Variants in ZNF676 observed in about 807,000 individuals in gnomAD.
ZNF676 encodes the protein zinc finger protein 676.
In ZNF676, 4 loss-of-function variants were observed where a neutral mutation model predicts 6.0. The observed-to-expected ratio is 0.67, with a 90% confidence interval of 0.33 to 1.53. ZNF676 has a LOEUF of 1.53. ZNF676 is among the 40% of genes most tolerant of loss of function. ZNF676 has a pLI of 0.06. For synonymous variants in ZNF676, 198 were observed against 223.1 expected, an observed-to-expected ratio of 0.89 and a Z score of 1.00; for missense variants, 644 against 679.7, an observed-to-expected ratio of 0.95 and a Z score of 0.58.
the ZNF676 span, among the ~76,000 whole-genome samples, chr19:22,253,453 TATG>T: frequency 1.0e-5 from 1 of 98,876 alleles, no homozygotes; most frequent in Non-Finnish European, 2.3e-5. Context: ...TGTATATATA[TATG>T]ATAATGTGTG....
At chr19:22,212,043 C>CA (rs1190352947) in intron 1 of ZNF676, among the ~76,000 whole-genome samples, 1 of 150,974 alleles carries the variant, frequency 6.6e-6, no homozygotes, top group East Asian at 2.0e-4. Context: ...ATTAAAAATA[C>CA]AAAAAAATTA....
intron 1 of ZNF676, among the ~76,000 whole-genome samples, chr19:22,211,929 G>A (rs138431204): frequency 2.6e-4 from 40 of 152,246 alleles, no homozygotes; most frequent in African/African-American, 9.4e-4. Context: ...GCAGGGCGCA[G>A]TGGCTCACAC....
At chr19:22,256,655 G>A in the ZNF676 span, among the ~76,000 whole-genome samples, 1 of 152,100 alleles carries the variant, frequency 6.6e-6, no homozygotes, top group African/African-American at 2.4e-5. Context: ...TATGTGTTGA[G>A]TCCAGTGATA....
chr19:22,233,238 G>C, the ZNF676 span, among the ~76,000 whole-genome samples: 1 of 152,108 alleles, frequency 6.6e-6, no homozygotes, highest in East Asian at 1.9e-4. Flanking sequence ...TGGTCTCCTA[G>C]GCTCAAGTGA....
At chr19:22,253,356 GTGTGT>G in the ZNF676 span, among the ~76,000 whole-genome samples, 4 of 21,590 alleles carry the variant, frequency 1.9e-4, no homozygotes, top group Non-Finnish European at 4.5e-4. Context: ...GATAATGGGT[GTGTGT>G]GTGTGTGTGT....
At chr19:22,222,735 A>T in the ZNF676 span, among the ~76,000 whole-genome samples, 1 of 152,194 alleles carries the variant, frequency 6.6e-6, no homozygotes, top group African/African-American at 2.4e-5. Context: ...TGGTAAACGC[A>T]GCAAAGCAGC....
intron 1 of ZNF676, among the ~76,000 whole-genome samples, chr19:22,212,199 CAAAAA>C (rs34421901): frequency 8.4e-6 from 1 of 119,144 alleles, no homozygotes; most frequent in Non-Finnish European, 1.7e-5. Context: ...GATTCTGTCT[CAAAAA>C]AAAAAAAAAA....
intron 1 of ZNF676, among the ~76,000 whole-genome samples, chr19:22,194,907 G>A (rs1396482197): frequency 1.3e-5 from 2 of 152,092 alleles, no homozygotes; most frequent in Admixed American, 1.3e-4. Context: ...TTAGTTATAG[G>A]AGACAAACCT....
the ZNF676 span, among the ~76,000 whole-genome samples, chr19:22,236,464 T>G: frequency 2.5e-3 from 388 of 152,278 alleles, no homozygotes; most frequent in African/African-American, 9.0e-3. Flanking sequence ...CAGTGTTTAA[T>G]AGTCCCCAAA....
the ZNF676 span, among the ~76,000 whole-genome samples, chr19:22,229,254 G>T: frequency 6.6e-6 from 1 of 152,140 alleles, no homozygotes; most frequent in Non-Finnish European, 1.5e-5. Context: ...AATGGGGAAA[G>T]GATTCCCAAT....
chr19:22,223,435 C>T, the ZNF676 span, among the ~76,000 whole-genome samples: 212 of 152,018 alleles, frequency 1.4e-3, 1 homozygote, highest in African/African-American at 4.9e-3. Flanking sequence ...AGCCAGGATG[C>T]CTGGATCTCT....
At chr19:22,209,187 G>A (rs1047717502) in intron 1 of ZNF676, among the ~76,000 whole-genome samples, 3 of 151,938 alleles carry the variant, frequency 2.0e-5, no homozygotes, top group East Asian at 1.9e-4. Flanking sequence ...GCTTGAACCC[G>A]GGAGGTGGAG....
rs376692957 is a variant in ZNF676 at position 22,181,180 on chromosome 19, G to C, written c.537C>G (p.Asn179Lys). Residue 179 changes from asparagine to lysine, a missense_variant, in exon 3 of 3, where the codon AAC becomes AAG. This residue lies in a region of ZNF676 where 280 missense variants were observed against 269.3 expected (regional missense o/e 1.04). Transcript: ENST00000397121. ...YKCEENGKAFNWSSTLTYYKS... is the reference protein window; with the variant it reads ...YKCEENGKAFKWSSTLTYYKS... ...TATAATAAGTAAGGGTTGAGGACCA[G>C]TTAAAAGCTTTGCCATTTTCTTCAC... 2.5e-5 allele frequency: 40 copies of C among 1,613,916 alleles called. No individual in the cohort carries two copies. In the African/African-American group the frequency reaches 3.1e-4, roughly 12 times the overall value.
At chr19:22,210,654 G>A (rs187604486) in intron 1 of ZNF676, among the ~76,000 whole-genome samples, 48 of 152,262 alleles carry the variant, frequency 3.2e-4, no homozygotes, top group Admixed American at 2.6e-3. Context: ...CCTTCCCATT[G>A]TGACTTAGAT....
chr19:22,232,359 G>C, the ZNF676 span, among the ~76,000 whole-genome samples: 1 of 151,926 alleles, frequency 6.6e-6, no homozygotes, highest in Non-Finnish European at 1.5e-5. Context: ...GTAGAGACAG[G>C]GTTTCACCAT....
chr19:22,251,149 A>G, the ZNF676 span, among the ~76,000 whole-genome samples: 1 of 152,234 alleles, frequency 6.6e-6, no homozygotes, highest in African/African-American at 2.4e-5. Flanking sequence ...CTTTTCTGAT[A>G]TTCCTTTAAT....
the ZNF676 span, among the ~76,000 whole-genome samples, chr19:22,255,383 G>A: frequency 6.6e-6 from 1 of 152,084 alleles, no homozygotes. Context: ...TACTACCCTA[G>A]GGCTTTACAT....
the ZNF676 span, among the ~76,000 whole-genome samples, chr19:22,258,651 T>C: frequency 1.4e-4 from 22 of 152,196 alleles, no homozygotes; most frequent in African/African-American, 4.8e-4. Context: ...CTCAGGAATA[T>C]GTCACAATGG....
the ZNF676 span, among the ~76,000 whole-genome samples, chr19:22,250,501 C>T: frequency 1.8e-4 from 27 of 152,142 alleles, no homozygotes; most frequent in Non-Finnish European, 2.1e-4. Flanking sequence ...TCACTCCAAC[C>T]TCCACCTCCC....
Sources: gnomAD v4.1 joint callset for allele counts (sites outside exome capture counted in the v4.1 genomes callset) on GRCh38, gnomAD v4.1.1 for gene constraint, gnomAD v4.1.1 regional missense constraint, MANE v1.5 for transcripts, NCBI Gene and HGNC (gene_info 2026-07-23, HGNC 2026-07-21) for gene names.